Variants in PELI2 observed in about 807,000 individuals in gnomAD.
PELI2 encodes E3 ubiquitin-protein ligase pellino homolog 2.
Under a neutral mutation model 42.3 loss-of-function variants are expected in PELI2, and 23 were observed. That is an observed-to-expected ratio of 0.54 (90% CI 0.39 to 0.77). The LOEUF is 0.77. Ranked by LOEUF, PELI2 falls within the 30% of genes least tolerant of loss-of-function variation. PELI2 has a pLI of 0.00. For synonymous variants in PELI2, 245 were observed against 212.2 expected (o/e 1.15, Z -1.34); for missense variants, 463 against 553.2 (o/e 0.84, Z 1.64).
At chr14:56,158,852 T>C (rs1884659054) in intron 1 of PELI2, among the ~76,000 whole-genome samples, 1 of 152,202 alleles carries the variant, frequency 6.6e-6, no homozygotes. Flanking sequence ...GACATAGTGA[T>C]TTATTGGAAA....
chr14:56,269,295 T>C (rs1889017264), intron 2 of PELI2, among the ~76,000 whole-genome samples: 2 of 151,836 alleles, frequency 1.3e-5, no homozygotes, highest in Non-Finnish European at 2.9e-5. Flanking sequence ...TACAAAAAAT[T>C]AGCTGGGTGT....
Position 56,248,948 on chromosome 14 carries a change from A to G in PELI2, c.208-30728A>G, listed in dbSNP as rs148756253. ...GGAAGCAGGGTTAATGGTCATTTCA[A>G]AAAGTAAAATGCACATCTTCTCTCC... On this transcript the variant is annotated intron_variant, in intron 2 of 5. Coordinates refer to ENST00000267460, the MANE Select transcript of PELI2 (RefSeq NM_021255.3). 2.6e-4 allele frequency among the ~76,000 whole-genome samples: 39 copies of G among 152,234 alleles called. No individual in the cohort carries two copies. In the East Asian group the frequency reaches 5.6e-3, roughly 22 times the overall value.
rs947661797 is a variant in PELI2 at position 56,167,031 on chromosome 14, C to T, written c.78-11304C>T. On this transcript the variant is annotated intron_variant, in intron 1 of 5. Transcript: ENST00000267460. The stretch of plus-strand genomic sequence containing the variant: ...GTCTTGATCTCCTGACCTCATGATC[C>T]GCCCGCCTCAGCCTCCCAAAATGCT... Among the ~76,000 whole-genome samples, 9 of 152,250 alleles carry T rather than the reference C, an allele frequency of 5.9e-5. No homozygotes were observed. In the South Asian group the frequency reaches 6.2e-4, roughly 11 times the overall value.
intron 1 of PELI2, among the ~76,000 whole-genome samples, chr14:56,139,023 T>C (rs1566601422): frequency 1.3e-5 from 2 of 152,306 alleles, no homozygotes; most frequent in East Asian, 3.9e-4. Context: ...GACAGGGTAC[T>C]GGAGGGATTT....
intron 2 of PELI2, among the ~76,000 whole-genome samples, chr14:56,235,332 C>T (rs1412497417): frequency 6.6e-6 from 1 of 152,178 alleles, no homozygotes; most frequent in Non-Finnish European, 1.5e-5. Flanking sequence ...ATATATCCCC[C>T]CAAAATTTGG....
intron 2 of PELI2, among the ~76,000 whole-genome samples, chr14:56,200,855 T>G (rs554887848): frequency 6.6e-6 from 1 of 152,338 alleles, no homozygotes; most frequent in East Asian, 1.9e-4. Flanking sequence ...TCTGATTGTT[T>G]GCCTCATAGA....
At chr14:56,283,391 C>T (rs1889543040) in intron 3 of PELI2, among the ~76,000 whole-genome samples, 1 of 152,182 alleles carries the variant, frequency 6.6e-6, no homozygotes, top group African/African-American at 2.4e-5. Context: ...AGTTTGGTGC[C>T]ACTGCTTTGA....
rs1251728065 is a variant in PELI2 at position 56,118,659 on chromosome 14, C to T, written c.-2C>T. On this transcript the variant is annotated 5_prime_UTR_variant, in exon 1 of 6. Coordinates refer to ENST00000267460, the MANE Select transcript of PELI2 (RefSeq NM_021255.3). ...GCGGCGTCGGCGGCCGAGCGGGGCT[C>T]CATGTTTTCCCCTGGCCAGGAGGAA... The T allele has an allele frequency of 1.4e-6, 2 of 1,441,488 alleles. No individual in the cohort carries two copies. The highest frequency in any genetic ancestry group is 1.8e-6 in the Non-Finnish European group (2 of 1,090,592). 89.3% of individuals were successfully genotyped at this position (1,441,488 alleles called of 1,614,324 possible). A position where few individuals can be genotyped will look rare whatever the true frequency, so the allele number is the denominator to read the frequency against.
At chr14:56,199,051 T>G (rs1886239288) in intron 2 of PELI2, among the ~76,000 whole-genome samples, 1 of 152,254 alleles carries the variant, frequency 6.6e-6, no homozygotes, top group Non-Finnish European at 1.5e-5. Context: ...ATGACTTCAC[T>G]TACTTTTTCT....
chr14:56,192,715 T>C (rs1885995255), intron 2 of PELI2, among the ~76,000 whole-genome samples: 1 of 152,184 alleles, frequency 6.6e-6, no homozygotes, highest in South Asian at 2.1e-4. Flanking sequence ...ATCGCTCACG[T>C]TGGGGACTAT....
chr14:56,149,799 A>G (rs553520241), intron 1 of PELI2, among the ~76,000 whole-genome samples: 9 of 152,296 alleles, frequency 5.9e-5, no homozygotes, highest in Non-Finnish European at 1.0e-4. Context: ...CTAAAAGCTC[A>G]AGTATCTTTT....
intron 1 of PELI2, among the ~76,000 whole-genome samples, chr14:56,160,258 C>T (rs1166857224): frequency 6.6e-6 from 1 of 152,122 alleles, no homozygotes; most frequent in Admixed American, 6.5e-5. Flanking sequence ...ACCACACTGT[C>T]CCAGAACCAA....
intron 1 of PELI2, among the ~76,000 whole-genome samples, chr14:56,177,191 G>T (rs1445154363): frequency 6.6e-6 from 1 of 152,140 alleles, no homozygotes; most frequent in African/African-American, 2.4e-5. Flanking sequence ...AGACTGTGAC[G>T]CTGACTTGAC....
chr14:56,159,694 T>C (rs2139636820), intron 1 of PELI2, among the ~76,000 whole-genome samples: 1 of 152,326 alleles, frequency 6.6e-6, no homozygotes, highest in South Asian at 2.1e-4. Context: ...AAAGAACTAA[T>C]GTTATATTAA....
chr14:56,297,168 G>T lies in PELI2; in HGVS notation c.*2G>T, dbSNP rs1152466. The T allele has an allele frequency of 6.3e-7, 1 of 1,584,484 alleles. No individual in the cohort carries two copies. ...ATTTTCCAAGGTCCAATTGACTGAC[G>T]CCCTTGACAGCCATCTACGACTTTA... On this transcript the variant is annotated 3_prime_UTR_variant, in exon 6 of 6. Transcript: ENST00000267460.
At chr14:56,174,834 C>T (rs1032163390) in intron 1 of PELI2, among the ~76,000 whole-genome samples, 1 of 152,154 alleles carries the variant, frequency 6.6e-6, no homozygotes. Context: ...ACTAATACAA[C>T]CAGGACGTTA....
At chr14:56,253,960 A>G (rs897205622) in intron 2 of PELI2, among the ~76,000 whole-genome samples, 4 of 152,238 alleles carry the variant, frequency 2.6e-5, no homozygotes, top group Non-Finnish European at 1.5e-5. Flanking sequence ...CAAGGCTACA[A>G]TAACCAAGAC....
chr14:56,206,755 C>G (rs1886532765), intron 2 of PELI2, among the ~76,000 whole-genome samples: 2 of 151,884 alleles, frequency 1.3e-5, no homozygotes, highest in South Asian at 4.2e-4. Flanking sequence ...CAATCTAATA[C>G]CAATTTTCCT....
At position 56,258,149 on chromosome 14, in the gene PELI2, T is replaced by C. The variant is rs372862016; in HGVS notation, c.208-21527T>C. Among the ~76,000 whole-genome samples, 13 of 152,280 alleles carry C rather than the reference T, an allele frequency of 8.5e-5. 1 individual carries two copies. The East Asian group carries it at 2.1e-3, about 25-fold the overall frequency. On this transcript the variant is annotated intron_variant, in intron 2 of 5. Transcript: ENST00000267460. ...CTGCAGAAGAGTGTCACCTTAGTAA[T>C]GAGGATAAATTATCCCTAGATCAAA...
Sources: gnomAD v4.1 joint callset for allele counts (sites outside exome capture counted in the v4.1 genomes callset) on GRCh38, gnomAD v4.1.1 for gene constraint, MANE v1.5 for transcripts, NCBI Gene and HGNC (gene_info 2026-07-23, HGNC 2026-07-21) for gene names.